The following KLF8 variants were observed in gnomAD, a reference collection of about 807,000 sequenced individuals.
KLF8 encodes Krueppel-like factor 8.
KLF8 carries 10 observed loss-of-function variants against 18.2 expected under a neutral mutation model. The ratio of observed to expected loss-of-function variants is 0.55; its 90% CI spans 0.34 to 0.93. The LOEUF (loss-of-function observed/expected upper bound fraction) is 0.93. Among genes scored for constraint, KLF8 ranks in the 40% least tolerant of loss-of-function variants. The pLI is 0.02. For missense variants in KLF8, 264 were observed against 277.9 expected (o/e 0.95, Z 0.36); for synonymous variants, 109 against 97.3 (o/e 1.12, Z -0.71).
the KLF8 span, among the ~76,000 whole-genome samples, chrX:56,105,029 G>A: frequency 8.9e-6 from 1 of 112,173 alleles, no homozygotes; most frequent in East Asian, 2.8e-4. Flanking sequence ...GTGGTTTTGA[G>A]TGAGTTTCTT....
At chrX:56,179,535 G>A in the KLF8 span, among the ~76,000 whole-genome samples, 1 of 112,047 alleles carries the variant, frequency 8.9e-6, no homozygotes, top group African/African-American at 3.2e-5. Flanking sequence ...ATGTTGAATA[G>A]GAGTGGTGAA....
At chrX:56,205,306 T>A in the KLF8 span, among the ~76,000 whole-genome samples, 1 of 112,225 alleles carries the variant, frequency 8.9e-6, no homozygotes, top group African/African-American at 3.2e-5. Context: ...TCTTATTTAA[T>A]CTTGATTTTT....
the KLF8 span, among the ~76,000 whole-genome samples, chrX:56,154,760 C>G: frequency 9.1e-6 from 1 of 110,133 alleles, no homozygotes; most frequent in African/African-American, 3.3e-5. Flanking sequence ...ATTTACAAGA[C>G]AAAAACAAAC....
chrX:56,058,190 A>ACGTG, the KLF8 span, among the ~76,000 whole-genome samples: 4 of 64,839 alleles, frequency 6.2e-5, no homozygotes, highest in African/African-American at 2.2e-4. Context: ...ACATATATAT[A>ACGTG]TACATATATA....
chrX:56,107,176 G>A, the KLF8 span, among the ~76,000 whole-genome samples: 1 of 112,001 alleles, frequency 8.9e-6, no homozygotes, highest in Non-Finnish European at 1.9e-5. Flanking sequence ...ACAGGGGTCG[G>A]GGACCCACTG....
At chrX:56,197,017 G>A in the KLF8 span, among the ~76,000 whole-genome samples, 1 of 111,889 alleles carries the variant, frequency 8.9e-6, no homozygotes, top group South Asian at 3.7e-4. Flanking sequence ...CGAAATGAAG[G>A]CAGAAATAGA....
chrX:56,267,356 T>C (rs1404481555), intron 3 of KLF8: 4 of 186,625 alleles, frequency 2.1e-5, no homozygotes, highest in South Asian at 2.5e-4. Context: ...CAAAAGGCAC[T>C]TCTTACATGG....
the KLF8 span, among the ~76,000 whole-genome samples, chrX:56,196,152 G>A: frequency 9.0e-6 from 1 of 111,643 alleles, no homozygotes; most frequent in African/African-American, 3.3e-5. Context: ...GACCATCCAT[G>A]CCATGGAGAA....
At chrX:56,192,083 A>T in the KLF8 span, among the ~76,000 whole-genome samples, 1 of 112,206 alleles carries the variant, frequency 8.9e-6, no homozygotes, top group Admixed American at 9.5e-5. Context: ...AATTCCAAAG[A>T]TTCCACAAAA....
the KLF8 span, among the ~76,000 whole-genome samples, chrX:56,011,421 G>A: frequency 1.8e-5 from 2 of 111,820 alleles, no homozygotes; most frequent in East Asian, 2.8e-4. Context: ...CTTTGAAACC[G>A]ATATGAACAA....
chrX:55,925,042 G>A, the KLF8 span, among the ~76,000 whole-genome samples: 1 of 94,304 alleles, frequency 1.1e-5, no homozygotes, highest in Non-Finnish European at 2.1e-5. Flanking sequence ...TTTTTTTTTA[G>A]TATAGATGGG....
chrX:56,235,598 T>G (rs1228279860), intron 1 of KLF8, among the ~76,000 whole-genome samples: 2 of 109,798 alleles, frequency 1.8e-5, no homozygotes, highest in African/African-American at 3.3e-5. Context: ...GTATTTTTAG[T>G]GGAGACGGGG....
At chrX:55,990,361 C>T in the KLF8 span, among the ~76,000 whole-genome samples, 4 of 112,359 alleles carry the variant, frequency 3.6e-5, no homozygotes, top group South Asian at 3.7e-4. Flanking sequence ...TCCCTCTACA[C>T]ACTGCTTTGA....
intron 2 of KLF8, among the ~76,000 whole-genome samples, chrX:56,262,435 A>T (rs1026128769): frequency 8.9e-6 from 1 of 111,798 alleles, no homozygotes; most frequent in African/African-American, 3.3e-5. Flanking sequence ...GGCAGCACTC[A>T]TCTCACTGAA....
the KLF8 span, among the ~76,000 whole-genome samples, chrX:56,097,069 T>A: frequency 4.5e-5 from 5 of 111,495 alleles, no homozygotes; most frequent in African/African-American, 1.6e-4. Flanking sequence ...TATTAGCAAA[T>A]CAGGTTCAAC....
intron 4 of KLF8, 114 bp from the exon 5 acceptor site, chrX:56,270,067 AT>A: frequency 1.3e-6 from 1 of 747,244 alleles, no homozygotes; most frequent in South Asian, 2.9e-5. Flanking sequence ...GGGACCTAGC[AT>A]TAAATTCACG....
chrX:56,067,269 C>T, the KLF8 span, among the ~76,000 whole-genome samples: 1 of 105,844 alleles, frequency 9.4e-6, no homozygotes, highest in African/African-American at 3.4e-5. Context: ...AAAGCTTCTT[C>T]CCAAAAAAAT....
chrX:55,982,765 AAC>A, the KLF8 span, among the ~76,000 whole-genome samples: 2 of 112,053 alleles, frequency 1.8e-5, no homozygotes, highest in African/African-American at 6.5e-5. Context: ...AACAATTTAA[AAC>A]AGTGTCTTAC....
At chrX:56,143,291 C>G in the KLF8 span, among the ~76,000 whole-genome samples, 5 of 112,062 alleles carry the variant, frequency 4.5e-5, no homozygotes, top group Admixed American at 9.5e-5. Context: ...CTTTATGTCT[C>G]TGCTTAAATG....
Sources: allele counts gnomAD v4.1 joint callset (sites outside exome capture counted in the v4.1 genomes callset), GRCh38; gene constraint gnomAD v4.1.1; transcripts MANE v1.5; gene names NCBI Gene and HGNC (gene_info 2026-07-23, HGNC 2026-07-21).